The following ASB15 variants were observed in gnomAD, a reference collection of about 807,000 sequenced individuals.
ASB15 encodes ankyrin repeat and SOCS box protein 15.
A neutral mutation model predicts 58.0 loss-of-function variants in ASB15; 54 were observed. That is an observed-to-expected ratio of 0.93 (90% CI 0.75 to 1.17). The LOEUF is 1.17. ASB15 is among the 50% of genes most tolerant of loss of function. ASB15 has a pLI of 0.00. For missense variants in ASB15, 680 were observed against 707.4 expected, an observed-to-expected ratio of 0.96 and a Z score of 0.44; for synonymous variants, 249 against 262.4, an observed-to-expected ratio of 0.95 and a Z score of 0.50.
At chr7:123,616,594 G>T in intron 6 of ASB15, 99 bp downstream of exon 6, 2 of 1,281,910 alleles carry the variant, frequency 1.6e-6, no homozygotes, top group South Asian at 1.5e-5. Context: ...AGAAAGAAAA[G>T]GCAGATTAAA....
intron 1 of ASB15, among the ~76,000 whole-genome samples, chr7:123,569,159 C>T (rs1362606444): frequency 6.6e-6 from 1 of 152,044 alleles, no homozygotes; most frequent in East Asian, 1.9e-4. Context: ...CTAGACTGGC[C>T]GTTCTCAACC....
intron 1 of ASB15, among the ~76,000 whole-genome samples, chr7:123,587,286 G>A (rs982981503): frequency 6.6e-6 from 1 of 150,942 alleles, no homozygotes; most frequent in African/African-American, 2.4e-5. Flanking sequence ...TTTACTCCCA[G>A]GTATTTTATT....
intron 1 of ASB15, among the ~76,000 whole-genome samples, chr7:123,591,193 T>C (rs935505343): frequency 1.3e-5 from 2 of 152,202 alleles, no homozygotes; most frequent in African/African-American, 4.8e-5. Context: ...CTTAAGGAGA[T>C]TTTGGGCTGA....
intron 7 of ASB15, among the ~76,000 whole-genome samples, chr7:123,623,956 AAAGAAAGAAAGAAAG>A (rs1562935980): frequency 8.8e-5 from 12 of 136,356 alleles, no homozygotes; most frequent in Non-Finnish European, 1.9e-4. Context: ...AGAAAGAAAG[AAAGAAAGAAAGAAAG>A]AAAGAAAGAA....
chr7:123,598,430 C>G (rs557449493), upstream of ASB15, among the ~76,000 whole-genome samples: 1 of 152,116 alleles, frequency 6.6e-6, no homozygotes, highest in African/African-American at 2.4e-5. Context: ...CCTTTTAATC[C>G]AAGTTTGTTT....
In ASB15 at chr7:123,629,048, A is replaced by C. The variant is rs761410792; in HGVS notation, c.1054A>C (p.Thr352Pro). The change falls in exon 10 of 12, where the codon ACT becomes CCT. Residue 352 changes from threonine (T) to proline (P), a missense_variant. Thr to Pro is a conservative substitution (Grantham distance 38, BLOSUM62 -1). Coordinates refer to ENST00000451215, the MANE Select transcript of ASB15 (RefSeq NM_001290258.2). Reference sequence around the variant, plus strand: ...CCAGAGCTATGACGATGAGAGGAAGACTGCGCTGTATTTTGGCGTTTCTAA... The same window carrying C: ...CCAGAGCTATGACGATGAGAGGAAGCCTGCGCTGTATTTTGGCGTTTCTAA... ...ISQSYDDERK[T>P]ALYFGVSNND... 6.2e-7 allele frequency: 1 copy of C among 1,613,812 alleles called. No homozygotes were observed. The highest frequency in any genetic ancestry group is 8.5e-7 in the Non-Finnish European group (1 of 1,179,840).
intron 1 of ASB15, among the ~76,000 whole-genome samples, chr7:123,587,198 T>C (rs972525917): frequency 2.6e-5 from 4 of 151,736 alleles, no homozygotes; most frequent in Non-Finnish European, 5.9e-5. Flanking sequence ...AAATTCCATT[T>C]ATTTGTGTCT....
intron 1 of ASB15, among the ~76,000 whole-genome samples, chr7:123,570,176 A>T (rs1584716464): frequency 6.6e-6 from 1 of 151,730 alleles, no homozygotes; most frequent in Non-Finnish European, 1.5e-5. Flanking sequence ...CTGGGACCAC[A>T]GGCGCCCGCC....
chr7:123,573,345 G>C (rs192656233), intron 1 of ASB15, among the ~76,000 whole-genome samples: 1 of 135,890 alleles, frequency 7.4e-6, no homozygotes, highest in Non-Finnish European at 1.5e-5. Flanking sequence ...AATGCTCATC[G>C]TAAGTGGAAT....
At chr7:123,569,013 G>T (rs1000955983) in intron 1 of ASB15, among the ~76,000 whole-genome samples, 1 of 152,128 alleles carries the variant, frequency 6.6e-6, no homozygotes, top group African/African-American at 2.4e-5. Flanking sequence ...ATGTGAGAAG[G>T]ATATGAATGT....
intron 11 of ASB15, among the ~76,000 whole-genome samples, chr7:123,631,418 A>T (rs1236074042): frequency 6.6e-6 from 1 of 152,212 alleles, no homozygotes; most frequent in South Asian, 2.1e-4. Context: ...TCTGAAATGT[A>T]TATGTACAGT....
chr7:123,584,884 A>C (rs1028834297), intron 1 of ASB15: 1 of 151,974 alleles, frequency 6.6e-6, no homozygotes, highest in Non-Finnish European at 1.5e-5. Flanking sequence ...TCAATATTTT[A>C]AATATGTAAA....
chr7:123,572,731 G>T (rs1798947872), intron 1 of ASB15, among the ~76,000 whole-genome samples: 1 of 146,230 alleles, frequency 6.8e-6, no homozygotes, highest in Non-Finnish European at 1.5e-5. Flanking sequence ...TCTGCAACAT[G>T]TTATTTTAAA....
intron 9 of ASB15, among the ~76,000 whole-genome samples, chr7:123,628,123 T>G (rs1445123430): frequency 6.6e-6 from 1 of 152,220 alleles, no homozygotes; most frequent in Non-Finnish European, 1.5e-5. Context: ...CTATATCACA[T>G]GTACTTAGAA....
chr7:123,630,114 T>C lies in ASB15; in HGVS notation c.1589T>C (p.Ile530Thr). ...AGAGAATGGCCAGAAATCCGCCAAA[T>C]ACTAGGTAAAAACCAAAAGTTTTGC... ...VQREWPEIRQ[I>T]LENPCSLKHL... is the part of the protein sequence containing the mutation. Residue 530 changes from isoleucine to threonine, a missense_variant, in exon 11 of 12, where the codon ATA (isoleucine) becomes ACA (threonine). Coordinates refer to ENST00000451215, the MANE Select transcript of ASB15 (RefSeq NM_001290258.2). 1.9e-6 allele frequency: 3 copies of C among 1,580,348 alleles called. No individual in the cohort carries two copies. Among genetic ancestry groups the C allele is most frequent in the Non-Finnish European group, 2.6e-6 (3 of 1,161,642 alleles).
chr7:123,619,660 A>T (rs948181591), intron 7 of ASB15, among the ~76,000 whole-genome samples: 4 of 152,084 alleles, frequency 2.6e-5, no homozygotes, highest in Non-Finnish European at 4.4e-5. Context: ...AGTAGCTGGG[A>T]CTACAGGCGC....
At chr7:123,578,139 C>A (rs1263489415) in intron 1 of ASB15, among the ~76,000 whole-genome samples, 1 of 149,738 alleles carries the variant, frequency 6.7e-6, no homozygotes, top group South Asian at 2.1e-4. Flanking sequence ...AATAAAAGGA[C>A]AAATGAATAG....
intron 2 of ASB15, among the ~76,000 whole-genome samples, chr7:123,608,171 A>G (rs1800242157): frequency 6.6e-6 from 1 of 151,946 alleles, no homozygotes; most frequent in East Asian, 1.9e-4. Context: ...GTAATATGAA[A>G]CTGGAGATAA....
At chr7:123,635,879 T>C (rs74907503) in intron 11 of ASB15, among the ~76,000 whole-genome samples, 1 of 152,318 alleles carries the variant, frequency 6.6e-6, no homozygotes, top group East Asian at 1.9e-4. Flanking sequence ...GAACATTGTT[T>C]TTAATTTTAA....
Sources: allele counts gnomAD v4.1 joint callset (sites outside exome capture counted in the v4.1 genomes callset), GRCh38; gene constraint gnomAD v4.1.1; transcripts MANE v1.5; gene names NCBI Gene and HGNC (gene_info 2026-07-23, HGNC 2026-07-21).